ANKS1B: variants seen among roughly 807,000 people sequenced by gnomAD.
The protein encoded by ANKS1B is ankyrin repeat and sterile alpha motif domain-containing protein 1B.
Under a neutral mutation model 148.3 loss-of-function variants are expected in ANKS1B, and 36 were observed. The observed-to-expected ratio is 0.24, with a 90% CI of 0.19 to 0.32. ANKS1B has a LOEUF of 0.32. Among genes scored for constraint, ANKS1B ranks in the 10% least tolerant of loss-of-function variants. The pLI, the probability that ANKS1B is intolerant of heterozygous loss-of-function variation, is 1.00. For missense variants in ANKS1B, 1,157 were observed against 1,542.6 expected, an observed-to-expected ratio of 0.75 and a Z score of 4.19; for synonymous variants, 542 against 560.8, an observed-to-expected ratio of 0.97 and a Z score of 0.47.
intron 12 of ANKS1B, among the ~76,000 whole-genome samples, chr12:99,289,863 AGAAAAGCT>A (rs2079680394): frequency 6.6e-6 from 1 of 152,008 alleles, no homozygotes; most frequent in Non-Finnish European, 1.5e-5. Flanking sequence ...TTAAAGAACT[AGAAAAGCT>A]GAAAAGCTAG....
intron 17 of ANKS1B, among the ~76,000 whole-genome samples, chr12:98,889,343 C>G (rs1249366435): frequency 6.7e-6 from 1 of 149,270 alleles, no homozygotes; most frequent in East Asian, 2.3e-4. Flanking sequence ...ACGTCAGAAC[C>G]TTTTTTATTT....
intron 12 of ANKS1B, among the ~76,000 whole-genome samples, chr12:99,380,415 TTTTGTAG>T (rs1313403448): frequency 7.5e-6 from 1 of 134,068 alleles, no homozygotes; most frequent in Non-Finnish European, 1.6e-5. Context: ...AATTGCTTAA[TTTTGTAG>T]TTTTTAGAAA....
intron 17 of ANKS1B, among the ~76,000 whole-genome samples, chr12:98,984,897 G>A (rs1369680224): frequency 2.0e-5 from 3 of 152,124 alleles, no homozygotes; most frequent in Non-Finnish European, 4.4e-5. Flanking sequence ...TATAGTCTCA[G>A]CTACCTGGGA....
chr12:98,782,507 A>G (rs1364429360), intron 22 of ANKS1B, among the ~76,000 whole-genome samples: 2 of 152,192 alleles, frequency 1.3e-5, no homozygotes, highest in African/African-American at 4.8e-5. Context: ...ATATTTCCCA[A>G]TTTTCTAGTT....
chr12:98,945,217 C>T (rs2099843216), intron 17 of ANKS1B, among the ~76,000 whole-genome samples: 1 of 152,066 alleles, frequency 6.6e-6, no homozygotes, highest in Admixed American at 6.6e-5. Context: ...ACAGAAGGGC[C>T]CAGCATGTTG....
intron 9 of ANKS1B, among the ~76,000 whole-genome samples, chr12:99,524,336 C>T (rs1009253836): frequency 3.9e-5 from 6 of 152,114 alleles, no homozygotes; most frequent in African/African-American, 1.4e-4. Context: ...AATAATGGCT[C>T]TGAAAGATGT....
chr12:99,601,081 T>C (rs569184975), intron 9 of ANKS1B, among the ~76,000 whole-genome samples: 7 of 152,228 alleles, frequency 4.6e-5, no homozygotes, highest in Non-Finnish European at 1.0e-4. Flanking sequence ...CAGTAAATGC[T>C]GTCTTGCATA....
intron 17 of ANKS1B, among the ~76,000 whole-genome samples, chr12:98,964,943 A>G (rs1275262215): frequency 6.6e-6 from 1 of 152,208 alleles, no homozygotes; most frequent in Non-Finnish European, 1.5e-5. Flanking sequence ...GTCAACAATA[A>G]TTTATTGTAC....
At position 98,946,932 on chromosome 12, in the gene ANKS1B, C is replaced by G. The variant is rs545447099; in HGVS notation, c.2778+106225G>C. Among the ~76,000 whole-genome samples, 8 of 62,862 alleles carry G rather than the reference C, an allele frequency of 1.3e-4. No homozygotes were observed. In the Admixed American group the frequency reaches 2.3e-3, roughly 18 times the overall value. The allele number at this position is 62,862 out of a possible 152,430, so 41.2% of individuals were successfully genotyped here. A position where few individuals can be genotyped will look rare whatever the true frequency, so the allele number is the denominator to read the frequency against. Reference sequence around the variant, plus strand: ...TCCAGCCTGGGTGACAAAGCAAGATCTTTTCTCAAAAAAAAAAAAAAAAAA... The same window carrying G: ...TCCAGCCTGGGTGACAAAGCAAGATGTTTTCTCAAAAAAAAAAAAAAAAAA... On this transcript the variant is annotated intron_variant, in intron 17 of 26. Transcript: ENST00000683438.
intron 9 of ANKS1B, among the ~76,000 whole-genome samples, chr12:99,650,916 A>C (rs529040490): frequency 6.6e-6 from 1 of 152,330 alleles, no homozygotes; most frequent in East Asian, 1.9e-4. Context: ...ACCAGAATGT[A>C]TAGGTAACCT....
chr12:98,776,934 T>C (rs1008869869), intron 24 of ANKS1B, among the ~76,000 whole-genome samples: 4 of 152,236 alleles, frequency 2.6e-5, no homozygotes, highest in Non-Finnish European at 4.4e-5. Flanking sequence ...CTCATGTCTG[T>C]AATTCCAGTG....
chr12:99,666,880 GT>G (rs1567601306), intron 8 of ANKS1B, among the ~76,000 whole-genome samples: 4 of 144,108 alleles, frequency 2.8e-5, no homozygotes, highest in Non-Finnish European at 6.2e-5. Flanking sequence ...GTGTGTGTGT[GT>G]GTGTGTGTGT....
intron 8 of ANKS1B, among the ~76,000 whole-genome samples, chr12:99,671,739 A>C (rs535810567): frequency 6.8e-4 from 104 of 152,286 alleles, no homozygotes; most frequent in African/African-American, 2.4e-3. Flanking sequence ...GTTAGAACTG[A>C]CTAACTCTAG....
At chr12:98,792,614 C>T (rs1443068539) in intron 22 of ANKS1B, among the ~76,000 whole-genome samples, 1 of 152,172 alleles carries the variant, frequency 6.6e-6, no homozygotes, top group Non-Finnish European at 1.5e-5. Flanking sequence ...TCCTCATCTA[C>T]CCTTTCCTGG....
chr12:99,720,392 C>T (rs944451077), intron 8 of ANKS1B, among the ~76,000 whole-genome samples: 3 of 152,194 alleles, frequency 2.0e-5, no homozygotes, highest in Admixed American at 1.3e-4. Flanking sequence ...TTCTGTCAGA[C>T]ATAATTCCTC....
At chr12:98,815,566 C>T (rs1178659178) in intron 19 of ANKS1B, among the ~76,000 whole-genome samples, 15 of 152,186 alleles carry the variant, frequency 9.9e-5, no homozygotes, top group Admixed American at 9.8e-4. Context: ...TGATGCTTCT[C>T]CTTTTGCATT....
chr12:99,909,964 C>G (rs1415968137), intron 1 of ANKS1B, among the ~76,000 whole-genome samples: 1 of 152,168 alleles, frequency 6.6e-6, no homozygotes, highest in Non-Finnish European at 1.5e-5. Flanking sequence ...CTCTGTCCAC[C>G]TAGAATAGAG....
chr12:99,013,986 T>C (rs748203539), intron 17 of ANKS1B, among the ~76,000 whole-genome samples: 9 of 152,068 alleles, frequency 5.9e-5, no homozygotes, highest in Non-Finnish European at 1.2e-4. Flanking sequence ...CAAACTACCA[T>C]TGACACTCAC....
At chr12:99,449,766 G>A (rs1040036048) in intron 10 of ANKS1B, among the ~76,000 whole-genome samples, 7 of 152,110 alleles carry the variant, frequency 4.6e-5, no homozygotes, top group African/African-American at 1.7e-4. Flanking sequence ...ATATTTGAGA[G>A]CAGTATCTTT....
Sources: allele counts gnomAD v4.1 joint callset (sites outside exome capture counted in the v4.1 genomes callset), GRCh38; gene constraint gnomAD v4.1.1; transcripts MANE v1.5; gene names NCBI Gene and HGNC (gene_info 2026-07-23, HGNC 2026-07-21).